The following ACSS1 variants were observed in gnomAD, a reference collection of about 807,000 sequenced individuals.
ACSS1 encodes acyl-CoA synthetase short chain family member 1.
A neutral mutation model predicts 75.3 loss-of-function variants in ACSS1; 42 were observed. The ratio of observed to expected loss-of-function variants is 0.56; its 90% CI spans 0.44 to 0.72. ACSS1 has a LOEUF of 0.72. Among genes scored for constraint, ACSS1 ranks in the 30% least tolerant of loss-of-function variants. ACSS1 has a pLI of 0.00. For synonymous variants in ACSS1, 380 were observed against 376.8 expected (o/e 1.01, Z -0.10); for missense variants, 782 against 935.7 (o/e 0.84, Z 2.14).
intron 2 of ACSS1, chr20:25,032,356 G>A: frequency 2.2e-6 from 3 of 1,348,132 alleles, no homozygotes; most frequent in Non-Finnish European, 2.9e-6. Flanking sequence ...GCAGGCGAGA[G>A]CCGCCAACTT....
chr20:25,037,921 A>C (rs567698093), intron 2 of ACSS1, among the ~76,000 whole-genome samples: 206 of 152,350 alleles, frequency 1.4e-3, no homozygotes, highest in African/African-American at 4.9e-3. Context: ...GAGAGAACAG[A>C]AGACCAGGAA....
At chr20:25,032,812 C>T in intron 2 of ACSS1, 1 of 554,306 alleles carries the variant, frequency 1.8e-6, no homozygotes, top group East Asian at 1.3e-4. Flanking sequence ...TTGTTTCTTC[C>T]CAAGGCCATC....
intron 1 of ACSS1, among the ~76,000 whole-genome samples, chr20:25,057,532 G>A (rs1349975898): frequency 6.6e-6 from 1 of 152,176 alleles, no homozygotes. Context: ...AGCGGCCGCC[G>A]GGTCCCCGCG....
At chr20:25,041,436 G>A (rs912861033) in intron 2 of ACSS1, among the ~76,000 whole-genome samples, 4 of 152,130 alleles carry the variant, frequency 2.6e-5, no homozygotes, top group Non-Finnish European at 4.4e-5. Flanking sequence ...CCGTACTCCC[G>A]GGCATAAGGC....
chr20:25,033,243 C>A (rs1003065051), intron 2 of ACSS1, among the ~76,000 whole-genome samples: 2 of 152,312 alleles, frequency 1.3e-5, no homozygotes, highest in Admixed American at 1.3e-4. Flanking sequence ...TTATGCTCAC[C>A]AGTTAAATGG....
chr20:25,057,629 G>A, intron 1 of ACSS1, 140 bp downstream of exon 1: 1 of 722,416 alleles, frequency 1.4e-6, no homozygotes, highest in South Asian at 2.4e-5. Context: ...GAGCGGGCGG[G>A]GCGGACGGAA....
intron 7 of ACSS1, among the ~76,000 whole-genome samples, chr20:25,016,489 G>A (rs977338171): frequency 1.3e-5 from 2 of 152,220 alleles, no homozygotes; most frequent in East Asian, 1.9e-4. Context: ...AACTCACCAG[G>A]CTAGACGTGC....
rs1440185376 is a variant in ACSS1 at position 25,013,976 on chromosome 20, G to A, written c.1437C>T (p.Val479=). The part of the protein sequence containing the change: ...AMRPFFGIVP[V]LMDEKGSVVE... ...CCATACACACCTTCTCATCCATGAG[G>A]ACGGGGACGATGCCAAAGAAGGGCC... Residue 479 remains valine, a synonymous_variant, in exon 9 of 14, where the codon GTC becomes GTT. Transcript: ENST00000323482. 1.2e-6 allele frequency: 2 copies of A among 1,613,702 alleles called. No homozygotes were observed. Among genetic ancestry groups the A allele is most frequent in the Non-Finnish European group, 1.7e-6 (2 of 1,179,848 alleles).
chr20:25,009,523 GT>G, intron 12 of ACSS1, 135 bp from the exon 13 acceptor site: 1 of 717,712 alleles, frequency 1.4e-6, no homozygotes. Flanking sequence ...GTAGCAGCTG[GT>G]TTCTTTAGTT....
At chr20:25,016,608 T>G (rs895676559) in intron 7 of ACSS1, among the ~76,000 whole-genome samples, 1 of 152,184 alleles carries the variant, frequency 6.6e-6, no homozygotes, top group Non-Finnish European at 1.5e-5. Context: ...TGCTGCATGA[T>G]CAGTGCTGGC....
rs184573382 is a variant in ACSS1, at chr20:25,037,468, A to G, written c.432-6510T>C. On this transcript the variant is annotated intron_variant, in intron 2 of 13. Transcript: ENST00000323482. The stretch of plus-strand genomic sequence containing the variant: ...AACGTTTCATTTTCTTCTGCCAATA[A>G]GGGAAGTAAACCCAGGTAATTGTCT... Among the ~76,000 whole-genome samples, 6 of 152,322 alleles carry G rather than the reference A, an allele frequency of 3.9e-5. No homozygotes were observed. In the East Asian group the frequency reaches 1.2e-3, roughly 29 times the overall value.
chr20:25,023,453 C>T lies in ACSS1; in HGVS notation c.807+13G>A, dbSNP rs766581154. On this transcript the variant is annotated intron_variant, in intron 4 of 13. Transcript: ENST00000323482. Reference sequence around the variant, plus strand: ...TGACCTCGCCTCAAACTGTGCAAAGCGAGGTAACCCACCTGCTCCAGCGGG... The same window carrying T: ...TGACCTCGCCTCAAACTGTGCAAAGTGAGGTAACCCACCTGCTCCAGCGGG... 2.1e-5 allele frequency: 34 copies of T among 1,613,804 alleles called. No individual in the cohort carries two copies. Among genetic ancestry groups the T allele is most frequent in the Non-Finnish European group, 2.8e-5 (33 of 1,179,924 alleles).
At chr20:25,032,455 G>A in intron 2 of ACSS1, 1 of 1,350,958 alleles carries the variant, frequency 7.4e-7, no homozygotes, top group Middle Eastern at 1.9e-4. Flanking sequence ...ATCTGGACCT[G>A]GCAATTGCAT....
chr20:25,048,269 T>C, intron 1 of ACSS1, 88 bp from the exon 2 acceptor site: 1 of 1,087,092 alleles, frequency 9.2e-7, no homozygotes, highest in South Asian at 1.4e-5. Flanking sequence ...CGGGTCTAGT[T>C]TGCTGTGGCT....
intron 1 of ACSS1, among the ~76,000 whole-genome samples, chr20:25,054,386 G>A (rs1171868612): frequency 6.6e-6 from 1 of 152,258 alleles, no homozygotes; most frequent in Non-Finnish European, 1.5e-5. Context: ...AGTGACTGGG[G>A]ATGTATAATG....
At chr20:25,053,357 G>A (rs1159362642) in intron 1 of ACSS1, among the ~76,000 whole-genome samples, 8 of 151,806 alleles carry the variant, frequency 5.3e-5, no homozygotes, top group South Asian at 2.1e-4. Context: ...GAGCCACGGC[G>A]CCTGGCCCAC....
intron 2 of ACSS1, among the ~76,000 whole-genome samples, chr20:25,044,415 C>G (rs985363032): frequency 3.3e-5 from 5 of 152,174 alleles, no homozygotes; most frequent in African/African-American, 1.2e-4. Flanking sequence ...CACTCCAACC[C>G]AGGAGTTCCA....
At chr20:25,039,064 A>G (rs548362706) in intron 2 of ACSS1, among the ~76,000 whole-genome samples, 98 of 152,266 alleles carry the variant, frequency 6.4e-4, no homozygotes, top group African/African-American at 2.2e-3. Flanking sequence ...CAAGGACAGA[A>G]CAGCTATCAA....
Position 25,007,145 on chromosome 20 carries a change from A to G in ACSS1, c.*617T>C. On this transcript the variant is annotated 3_prime_UTR_variant, in exon 14 of 14. Transcript: ENST00000323482. Reference sequence around the variant, plus strand: ...GTTCTCAAGGGAACTGTTTAGACAGAGGTACAAACATCTCCAATTCAGACT... The same window carrying G: ...GTTCTCAAGGGAACTGTTTAGACAGGGGTACAAACATCTCCAATTCAGACT... 1 of 1,336,436 alleles carries G rather than the reference A, an allele frequency of 7.5e-7. No homozygotes were observed. The highest frequency in any genetic ancestry group is 9.6e-7 in the Non-Finnish European group (1 of 1,044,752). 82.8% of individuals were successfully genotyped at this position (1,336,436 alleles called of 1,614,324 possible).
Sources: allele counts gnomAD v4.1 joint callset (sites outside exome capture counted in the v4.1 genomes callset), GRCh38; gene constraint gnomAD v4.1.1; transcripts MANE v1.5; gene names NCBI Gene and HGNC (gene_info 2026-07-23, HGNC 2026-07-21).